KLHL29: variants seen among roughly 807,000 people sequenced by gnomAD.
The protein encoded by KLHL29 is kelch like family member 29.
Under a neutral mutation model 80.4 loss-of-function variants are expected in KLHL29, and 21 were observed. The observed-to-expected ratio is 0.26, with a 90% CI of 0.19 to 0.38. The LOEUF is 0.38. Among genes scored for constraint, KLHL29 ranks in the 10% least tolerant of loss-of-function variants. The pLI, the probability that KLHL29 is intolerant of heterozygous loss-of-function variation, is 1.00. For synonymous variants in KLHL29, 511 were observed against 526.8 expected (o/e 0.97, Z 0.41); for missense variants, 867 against 1,223.9 (o/e 0.71, Z 4.35).
At chr2:23,536,703 G>A (rs1241990765) in intron 2 of KLHL29, among the ~76,000 whole-genome samples, 4 of 152,150 alleles carry the variant, frequency 2.6e-5, no homozygotes, top group South Asian at 2.1e-4. Context: ...CAGTCAGGCC[G>A]TTAGGAGGAC....
At position 23,584,960 on chromosome 2, in the gene KLHL29, C is replaced by T. The variant is rs1390778647; in HGVS notation, c.285+22479C>T. Among the ~76,000 whole-genome samples the T allele has an allele frequency of 2.0e-5, 3 of 152,170 alleles. No individual in the cohort carries two copies. The East Asian group carries it at 5.8e-4, about 29-fold the overall frequency. Reference sequence around the variant, plus strand: ...CCATGTTGGCTAGGCTGGTCTCGAGCTCCTGACTCAGGTGATCCACCCACC... The same window carrying T: ...CCATGTTGGCTAGGCTGGTCTCGAGTTCCTGACTCAGGTGATCCACCCACC... On this transcript the variant is annotated intron_variant, in intron 3 of 13. Transcript: ENST00000486442.
chr2:23,555,618 G>T (rs1667267938), intron 2 of KLHL29, among the ~76,000 whole-genome samples: 1 of 152,374 alleles, frequency 6.6e-6, no homozygotes, highest in East Asian at 1.9e-4. Context: ...GGAGGTGTGA[G>T]GTCAGGGCTC....
chr2:23,496,755 C>T (rs1665277812), intron 2 of KLHL29, among the ~76,000 whole-genome samples: 1 of 152,172 alleles, frequency 6.6e-6, no homozygotes, highest in Admixed American at 6.5e-5. Flanking sequence ...TGTGGCAATG[C>T]TTGGGGGAAA....
intron 3 of KLHL29, among the ~76,000 whole-genome samples, chr2:23,586,093 G>A (rs1028373291): frequency 2.6e-5 from 4 of 152,170 alleles, no homozygotes; most frequent in African/African-American, 9.7e-5. Flanking sequence ...TCTCAGCCCT[G>A]TGTCAGGAAT....
intron 3 of KLHL29, among the ~76,000 whole-genome samples, chr2:23,638,627 T>C (rs1186517045): frequency 6.6e-6 from 1 of 152,126 alleles, no homozygotes; most frequent in East Asian, 1.9e-4. Flanking sequence ...ATAGGAAATG[T>C]ATAAAGTCCC....
At chr2:23,493,120 T>A (rs1410488389) in intron 2 of KLHL29, among the ~76,000 whole-genome samples, 1 of 152,212 alleles carries the variant, frequency 6.6e-6, no homozygotes, top group Non-Finnish European at 1.5e-5. Flanking sequence ...CGCACAGGAA[T>A]GACGTAAGGT....
intron 3 of KLHL29, among the ~76,000 whole-genome samples, chr2:23,588,013 T>A (rs1668161637): frequency 6.6e-6 from 1 of 152,212 alleles, no homozygotes; most frequent in African/African-American, 2.4e-5. Context: ...TCACCTGCCC[T>A]CTGCTGTCCT....
At chr2:23,583,183 C>A (rs941340899) in intron 3 of KLHL29, among the ~76,000 whole-genome samples, 2 of 152,220 alleles carry the variant, frequency 1.3e-5, no homozygotes, top group African/African-American at 4.8e-5. Context: ...TGAGAAGGGA[C>A]CTTTCTGTCC....
chr2:23,502,869 A>G (rs1460956984), intron 2 of KLHL29, among the ~76,000 whole-genome samples: 1 of 152,188 alleles, frequency 6.6e-6, no homozygotes, highest in Admixed American at 6.5e-5. Flanking sequence ...AGCCCCTTCT[A>G]GGTCTCTCCC....
chr2:23,594,611 T>G (rs1304240148), intron 3 of KLHL29, among the ~76,000 whole-genome samples: 2 of 152,162 alleles, frequency 1.3e-5, no homozygotes, highest in Non-Finnish European at 2.9e-5. Flanking sequence ...CTGGTCTCCA[T>G]GAGGAATTGG....
chr2:23,421,863 G>A (rs1662821159), intron 1 of KLHL29, among the ~76,000 whole-genome samples: 1 of 151,846 alleles, frequency 6.6e-6, no homozygotes, highest in Admixed American at 6.6e-5. Flanking sequence ...GTGTGAATGT[G>A]TATTTCTGTA....
intron 1 of KLHL29, among the ~76,000 whole-genome samples, chr2:23,440,361 A>G (rs1158159898): frequency 6.6e-6 from 1 of 151,770 alleles, no homozygotes; most frequent in African/African-American, 2.4e-5. Context: ...ATTAGACCTA[A>G]AACCATAAAA....
intron 2 of KLHL29, among the ~76,000 whole-genome samples, chr2:23,490,028 A>T (rs1572353186): frequency 6.6e-6 from 1 of 152,332 alleles, no homozygotes; most frequent in East Asian, 1.9e-4. Context: ...GCCTCAGCTG[A>T]TGTTGAATGG....
rs1022555007 is a variant in KLHL29 at position 23,680,625 on chromosome 2, C to G, written c.941-3774C>G. 3.9e-5 allele frequency among the ~76,000 whole-genome samples: 6 copies of G among 152,052 alleles called. No homozygotes were observed. Among genetic ancestry groups the G allele is most frequent in the Non-Finnish European group, 8.8e-5 (6 of 68,000 alleles). The stretch of plus-strand genomic sequence containing the variant: ...CTCCATGCAGGGAGGGTCATGGGCT[C>G]TCTAGGCCATCTTCTCCTGGGGTCT... On this transcript the variant is annotated intron_variant, in intron 5 of 13. Transcript: ENST00000486442. The surrounding 1 kb of genome is among the most constrained non-coding windows in gnomAD (Gnocchi z 4.1).
chr2:23,699,586 CCT>C (rs1181858769), intron 11 of KLHL29, among the ~76,000 whole-genome samples: 3 of 152,194 alleles, frequency 2.0e-5, no homozygotes, highest in South Asian at 2.1e-4. Flanking sequence ...TCCTTTCTCC[CCT>C]GTCTTGTCTG....
At chr2:23,526,298 A>C (rs1052521275) in intron 2 of KLHL29, among the ~76,000 whole-genome samples, 2 of 152,084 alleles carry the variant, frequency 1.3e-5, no homozygotes, top group Non-Finnish European at 2.9e-5. Flanking sequence ...GGGGAGGGGA[A>C]ACCAGAGCTG....
intron 1 of KLHL29, among the ~76,000 whole-genome samples, chr2:23,398,314 G>A (rs372132758): frequency 1.1e-4 from 16 of 152,236 alleles, no homozygotes; most frequent in South Asian, 4.1e-4. Context: ...ACGCTATAGC[G>A]TGGATGAACC....
chr2:23,642,511 C>T lies in KLHL29; in HGVS notation c.601C>T (p.Pro201Ser). The stretch of plus-strand genomic sequence containing the variant: ...CGTGGGGCCCCAGCTCCCGCTGATG[C>T]CAGGCCACTACTCGCTCCCTCAGCC... ...PHVGPQLPLM[P>S]GHYSLPQPPS... The change falls in exon 5 of 14, where the codon CCA (proline) becomes TCA (serine). Residue 201 changes from proline (P) to serine (S), a missense_variant. Pro to Ser is a moderately conservative substitution (Grantham distance 74). Around this residue, in one of 2 missense-constraint regions of KLHL29, gnomAD observed 424 missense variants for 456.9 expected, o/e 0.93. Transcript: ENST00000486442. 1 of 1,527,130 alleles carries T rather than the reference C, an allele frequency of 6.5e-7. No individual in the cohort carries two copies. Among genetic ancestry groups the T allele is most frequent in the Non-Finnish European group, 8.8e-7 (1 of 1,130,476 alleles). 94.6% of individuals were successfully genotyped at this position (1,527,130 alleles called of 1,614,324 possible).
Position 23,562,526 on chromosome 2 carries a change from C to T in KLHL29, c.285+45C>T. 6.6e-7 allele frequency: 1 copy of T among 1,524,084 alleles called. No homozygotes were observed. The highest frequency in any genetic ancestry group is 1.2e-5 in the South Asian group (1 of 82,696). 94.4% of individuals were successfully genotyped at this position (1,524,084 alleles called of 1,614,324 possible). A position where few individuals can be genotyped will look rare whatever the true frequency, so the allele number is the denominator to read the frequency against. Reference sequence around the variant, plus strand: ...CTGAGCAGGAGCCGGACAGAGGGGCCCTGCCTCCCTGCAGGCTCAGGCCAG... The same window carrying T: ...CTGAGCAGGAGCCGGACAGAGGGGCTCTGCCTCCCTGCAGGCTCAGGCCAG... On this transcript the variant is annotated intron_variant, in intron 3 of 13. Transcript: ENST00000486442. The surrounding 1 kb of genome is among the most constrained non-coding windows in gnomAD (Gnocchi z 4.5).
Sources: gnomAD v4.1 joint callset for allele counts (sites outside exome capture counted in the v4.1 genomes callset) on GRCh38, gnomAD v4.1.1 for gene constraint, gnomAD v4.1.1 regional missense constraint, Gnocchi (gnomAD v3.1) non-coding constraint, MANE v1.5 for transcripts, NCBI Gene and HGNC (gene_info 2026-07-23, HGNC 2026-07-21) for gene names.